Variants in FBN3 observed in about 807,000 individuals in gnomAD.
The protein encoded by FBN3 is fibrillin 3, also known as fibrillin-3.
FBN3 carries 234 observed loss-of-function variants against 330.1 expected under a neutral mutation model. The observed-to-expected ratio is 0.71, with a 90% CI of 0.64 to 0.79. FBN3 has a LOEUF of 0.79. FBN3 is among the 30% of genes least tolerant of loss of function. The pLI, the probability that FBN3 is intolerant of heterozygous loss-of-function variation, is 0.00. For synonymous variants in FBN3, 1,458 were observed against 1,517.3 expected (o/e 0.96, Z 0.91); for missense variants, 3,606 against 3,886.9 (o/e 0.93, Z 1.92).
intron 60 of FBN3, 27 bp from the exon 61 acceptor site, chr19:8,075,217 G>T: frequency 3.2e-6 from 5 of 1,573,812 alleles, no homozygotes; most frequent in Non-Finnish European, 4.3e-6. Flanking sequence ...GGGAGAGAGG[G>T]TTTACCAGAC....
chr19:8,107,860 A>G (rs1443301935), intron 37 of FBN3, among the ~76,000 whole-genome samples: 1 of 151,756 alleles, frequency 6.6e-6, no homozygotes, highest in East Asian at 1.9e-4. Flanking sequence ...GGGTAGAAGG[A>G]TGGATGAATG....
intron 31 of FBN3, 26 bp from the exon 32 acceptor site, chr19:8,111,796 C>T (rs1568411737): frequency 6.2e-6 from 10 of 1,609,636 alleles, no homozygotes; most frequent in Admixed American, 1.7e-5. Flanking sequence ...CCCAGACCCC[C>T]CACCCCATGG....
In FBN3 at chr19:8,145,890, GC is replaced by G. The variant is rs1224407328; in HGVS notation, c.397del (p.Ala133ArgfsTer59). 1.3e-6 allele frequency: 2 copies of G among 1,551,132 alleles called. No homozygotes were observed. Among genetic ancestry groups the G allele is most frequent in the Non-Finnish European group, 1.7e-6 (2 of 1,146,970 alleles). On this transcript the variant is annotated frameshift_variant, in exon 5 of 64. Transcript: ENST00000600128. LOFTEE classifies it high-confidence loss of function. Reference sequence around the variant, plus strand: ...GTAGCCCTTCTGACACAGACAGGACGCCCCCCGGCAGGTGCCCCCATTCATA... The same window carrying G: ...GTAGCCCTTCTGACACAGACAGGACGCCCCCGGCAGGTGCCCCCATTCATA... ...SCMNGGTCRG[A>X]SCLCQKGYTG... is the part of the protein sequence containing the mutation.
rs1165459894 is a variant in FBN3, at chr19:8,130,664, A to AAAGGAAAGGAAAGGAAAG, written c.2044+570_2044+571insCTTTCCTTTCCTTTCCTT. ...AGAAAGGAAAGGAAAGGAAAGGAAAAGAAAAGAAAAGAAAAGAAAAGAAAA... is the reference window on the plus strand; with the variant it reads ...AGAAAGGAAAGGAAAGGAAAGGAAAAAAGGAAAGGAAAGGAAAGGAAAAGAAAAGAAAAGAAAAGAAAA... On this transcript the variant is annotated intron_variant, in intron 16 of 63. Transcript: ENST00000600128. 2.4e-3 allele frequency among the ~76,000 whole-genome samples: 53 copies of AAAGGAAAGGAAAGGAAAG among 21,720 alleles called. 1 individual carries two copies. The highest frequency in any genetic ancestry group is 3.7e-3 in the Non-Finnish European group (37 of 10,038). 14.2% of individuals were successfully genotyped at this position (21,720 alleles called of 152,430 possible).
intron 16 of FBN3, among the ~76,000 whole-genome samples, chr19:8,130,055 G>A (rs983431867): frequency 6.6e-6 from 1 of 151,860 alleles, no homozygotes; most frequent in Non-Finnish European, 1.5e-5. Context: ...CTGCCACCAC[G>A]GCTGGCTAAT....
At position 8,089,622 on chromosome 19, in the gene FBN3, CAG is replaced by C; in HGVS notation, c.6297_6298del (p.Val2101GlnfsTer9). On this transcript the variant is annotated frameshift_variant, in exon 51 of 64. Coordinates refer to ENST00000600128, the MANE Select transcript of FBN3 (RefSeq NM_032447.5). LOFTEE classifies it high-confidence loss of function. ...GCGGAAGGATCCATCGGTGTTGACA[CAG>C]ACGCCGTTAGTGCAGACGCCAGGGT... 1 of 1,614,212 alleles carries C rather than the reference CAG, an allele frequency of 6.2e-7. No homozygotes were observed.
intron 63 of FBN3, among the ~76,000 whole-genome samples, chr19:8,068,412 A>G (rs2081438156): frequency 6.6e-6 from 1 of 150,784 alleles, no homozygotes; most frequent in Admixed American, 6.6e-5. Flanking sequence ...AAATCAATAA[A>G]TAGGGTGGGC....
intron 63 of FBN3, 68 bp downstream of exon 63, chr19:8,071,980 G>A: frequency 2.0e-6 from 3 of 1,489,882 alleles, no homozygotes; most frequent in Non-Finnish European, 2.7e-6. Context: ...ACTAAGTCGG[G>A]TCCACAGCCT....
intron 29 of FBN3, 103 bp from the exon 30 acceptor site, chr19:8,115,743 C>T (rs189525431): frequency 1.2e-5 from 16 of 1,359,556 alleles, no homozygotes; most frequent in Admixed American, 7.4e-5. Flanking sequence ...CTGACTGTCC[C>T]GCCGCACAGG....
intron 10 of FBN3, among the ~76,000 whole-genome samples, chr19:8,137,152 TCC>T (rs1272186710): frequency 2.1e-5 from 3 of 146,272 alleles, no homozygotes; most frequent in African/African-American, 5.2e-5. Context: ...GGTGCCTAGA[TCC>T]CTCCAACCTG....
intron 5 of FBN3, 42 bp from the exon 6 acceptor site, chr19:8,145,014 C>T: frequency 4.6e-6 from 7 of 1,511,092 alleles, no homozygotes; most frequent in Non-Finnish European, 6.4e-6. Context: ...CCCCCAGCAG[C>T]AGAGAGAGCT....
At position 8,103,596 on chromosome 19, in the gene FBN3, C is replaced by T. The variant is rs747200553; in HGVS notation, c.4905G>A (p.Glu1635=). 64 of 1,613,616 alleles carry T rather than the reference C, an allele frequency of 4.0e-5. No homozygotes were observed. In the South Asian group the frequency reaches 6.5e-4, roughly 16 times the overall value. The change falls in exon 39 of 64, where the codon GAG becomes GAA. Residue 1635 remains glutamate, a synonymous_variant. Transcript: ENST00000600128. ...LGNYTCVCPA[E]YLQVNGGNNC... ...TGTTGCCACCATTGACTTGGAGGTA[C>T]TCTGCAGGGCAGACACAGGTGTAGT...
In FBN3 at chr19:8,073,273, G is replaced by A. The variant is rs757889416; in HGVS notation, c.7727C>T (p.Pro2576Leu). ...ACAGGAGGCGCTCCCGCAGGTGGGG[G>A]GCGACAGGGCACACTCATTCTCATC... ...CVDENECALSPPTCGSASCRN... is the reference protein window; with the variant it reads ...CVDENECALSLPTCGSASCRN... The change falls in exon 62 of 64, where the codon CCC becomes CTC. Residue 2576 changes from proline (P) to leucine (L), a missense_variant. Physicochemically the swap from Pro to Leu is moderately conservative, Grantham distance 98 (BLOSUM62 -3). Transcript: ENST00000600128. The A allele has an allele frequency of 2.5e-6, 4 of 1,613,910 alleles. No homozygotes were observed. Among genetic ancestry groups the A allele is most frequent in the East Asian group, 2.2e-5 (1 of 44,878 alleles).
At chr19:8,140,102 C>T (rs1011554684) in intron 8 of FBN3, among the ~76,000 whole-genome samples, 3 of 152,126 alleles carry the variant, frequency 2.0e-5, no homozygotes, top group South Asian at 2.1e-4. Flanking sequence ...ACGGGAAACT[C>T]GATTTCCCAA....
Position 8,126,231 on chromosome 19 carries a change from G to A in FBN3, c.2605+66C>T, listed in dbSNP as rs192164991. 2.0e-3 allele frequency: 3,107 copies of A among 1,518,340 alleles called. 5 individuals carry two copies. Among genetic ancestry groups the A allele is most frequent in the Admixed American group, 2.4e-3 (122 of 51,088 alleles). 94.1% of individuals were successfully genotyped at this position (1,518,340 alleles called of 1,614,324 possible). ...CGGGGCCGGAGGTGGCACCCATGAG[G>A]GTGGTGCGCCTGGTTGTGTGCGGGC... On this transcript the variant is annotated intron_variant, in intron 21 of 63. Coordinates refer to ENST00000600128, the MANE Select transcript of FBN3 (RefSeq NM_032447.5).
Position 8,086,465 on chromosome 19 carries a change from A to ATTTTTT in FBN3, c.6755-141_6755-140insAAAAAA, listed in dbSNP as rs369311659. On this transcript the variant is annotated intron_variant, in intron 54 of 63. Coordinates refer to ENST00000600128, the MANE Select transcript of FBN3 (RefSeq NM_032447.5). Reference sequence around the variant, plus strand: ...ATTTATTTTTATTATTATTATTATTATTATTTTTTGAGACAGAGTCTCGCT... The same window carrying ATTTTTT: ...ATTTATTTTTATTATTATTATTATTATTTTTTTTATTTTTTGAGACAGAGTCTCGCT... 1,040 of 287,516 alleles carry ATTTTTT rather than the reference A, an allele frequency of 3.6e-3. 5 individuals carry two copies. The highest frequency in any genetic ancestry group is 0.013 in the Middle Eastern group (10 of 758). The allele number at this position is 287,516 out of a possible 1,614,324, so 17.8% of individuals were successfully genotyped here.
At chr19:8,080,648 C>T (rs918295758) in intron 59 of FBN3, among the ~76,000 whole-genome samples, 13 of 152,040 alleles carry the variant, frequency 8.6e-5, no homozygotes, top group African/African-American at 2.9e-4. Context: ...GACAGAGTTT[C>T]GCTCTTGTTG....
chr19:8,082,360 TTTC>T (rs1430175662), intron 57 of FBN3, among the ~76,000 whole-genome samples: 5 of 121,000 alleles, frequency 4.1e-5, no homozygotes, highest in African/African-American at 1.1e-4. Context: ...TCTCTCTCTC[TTTC>T]TTTTTTCTTT....
At chr19:8,147,696 G>C in intron 1 of FBN3, 199 bp from the exon 2 acceptor site, 1 of 454,676 alleles carries the variant, frequency 2.2e-6, no homozygotes, top group Non-Finnish European at 3.8e-6. Context: ...TGTTAGAGAA[G>C]GGTCTTGGGG....
Sources: gnomAD v4.1 joint callset for allele counts (sites outside exome capture counted in the v4.1 genomes callset) on GRCh38, gnomAD v4.1.1 for gene constraint, MANE v1.5 for transcripts, NCBI Gene and HGNC (gene_info 2026-07-23, HGNC 2026-07-21) for gene names.